Variants in KCTD1 observed in about 807,000 individuals in gnomAD.
The protein encoded by KCTD1 is BTB/POZ domain-containing protein KCTD1.
A neutral mutation model predicts 66.0 loss-of-function variants in KCTD1; 24 were observed. The ratio of observed to expected loss-of-function variants is 0.36; its 90% CI spans 0.26 to 0.51. The LOEUF is 0.51. KCTD1 is among the 20% of genes least tolerant of loss of function. KCTD1 has a pLI of 0.95. For missense variants in KCTD1, 943 were observed against 1,205.2 expected (o/e 0.78, Z 3.22); for synonymous variants, 511 against 517.2 (o/e 0.99, Z 0.16).
At chr18:26,477,151 T>C (rs1403859690) in intron 2 of KCTD1, among the ~76,000 whole-genome samples, 2 of 152,222 alleles carry the variant, frequency 1.3e-5, no homozygotes, top group Non-Finnish European at 2.9e-5. Context: ...CATTTAATTA[T>C]ATAAAAAAGA....
At chr18:26,481,529 G>T (rs531963304) in intron 2 of KCTD1, among the ~76,000 whole-genome samples, 1 of 152,168 alleles carries the variant, frequency 6.6e-6, no homozygotes, top group African/African-American at 2.4e-5. Flanking sequence ...CATGTGAGCC[G>T]GGTCAAGGAG....
chr18:26,480,796 A>C (rs1981606414), intron 2 of KCTD1, among the ~76,000 whole-genome samples: 1 of 151,960 alleles, frequency 6.6e-6, no homozygotes, highest in Admixed American at 6.6e-5. Flanking sequence ...TCTGTTGATT[A>C]CTCTTGTTTA....
intron 1 of KCTD1, among the ~76,000 whole-genome samples, chr18:26,538,077 T>C (rs1984794903): frequency 6.6e-6 from 1 of 151,876 alleles, no homozygotes. Flanking sequence ...TGAAACGCTG[T>C]CTCTACTAAA....
intron 4 of KCTD1, 137 bp from the exon 5 acceptor site, chr18:26,456,038 A>G: frequency 1.3e-6 from 1 of 746,172 alleles, no homozygotes; most frequent in Non-Finnish European, 2.1e-6. Context: ...GCTCCTCTCA[A>G]AGGAAGACCC....
intron 2 of KCTD1, among the ~76,000 whole-genome samples, chr18:26,491,975 G>A (rs1305251572): frequency 2.6e-5 from 4 of 152,186 alleles, no homozygotes; most frequent in African/African-American, 4.8e-5. Flanking sequence ...GGGTGGGCAT[G>A]GTGGCTGATG....
chr18:26,548,316 T>TC lies in KCTD1; in HGVS notation c.220dup (p.Asp74GlyfsTer168). 3 of 1,494,262 alleles carry TC rather than the reference T, an allele frequency of 2.0e-6. No homozygotes were observed. Among genetic ancestry groups the TC allele is most frequent in the Non-Finnish European group, 2.7e-6 (3 of 1,123,480 alleles). The allele number at this position is 1,494,262 out of a possible 1,614,324, so 92.6% of individuals were successfully genotyped here. On this transcript the variant is annotated frameshift_variant, in exon 1 of 5. Transcript: ENST00000580059. LOFTEE classifies it high-confidence loss of function. Reference sequence around the variant, plus strand: ...ACCTCCGTCCTCCTCCTCCTCCTCGTCCCCCGTTATCTGCACCTCCTGGAT... The same window carrying TC: ...ACCTCCGTCCTCCTCCTCCTCCTCGTCCCCCCGTTATCTGCACCTCCTGGAT...
upstream of KCTD1, among the ~76,000 whole-genome samples, chr18:26,633,452 T>C (rs866379572): frequency 6.6e-6 from 1 of 152,088 alleles, no homozygotes; most frequent in Admixed American, 6.5e-5. Context: ...AAGAAACATA[T>C]AGTTGACCAT....
At chr18:26,634,591 T>A (rs958193956) in intron 1 of KCTD1, among the ~76,000 whole-genome samples, 3 of 152,188 alleles carry the variant, frequency 2.0e-5, no homozygotes, top group Non-Finnish European at 4.4e-5. Flanking sequence ...TATGATTACA[T>A]GTGCACATTT....
intron 2 of KCTD1, among the ~76,000 whole-genome samples, chr18:26,484,845 G>T (rs1265923396): frequency 6.6e-6 from 1 of 152,176 alleles, no homozygotes; most frequent in Non-Finnish European, 1.5e-5. Context: ...GGGCACAGGG[G>T]CTTGGAGAAG....
At chr18:26,656,141 C>T (rs1002441982) in intron 1 of KCTD1, among the ~76,000 whole-genome samples, 1 of 152,182 alleles carries the variant, frequency 6.6e-6, no homozygotes, top group Admixed American at 6.5e-5. Flanking sequence ...CTGGTTCAGA[C>T]GGCGGAGGCC....
chr18:26,645,147 T>C (rs1159909227), upstream of KCTD1, among the ~76,000 whole-genome samples: 3 of 152,250 alleles, frequency 2.0e-5, no homozygotes, highest in South Asian at 2.1e-4. Context: ...ATTCCCCATA[T>C]TGCAAGACTT....
chr18:26,484,433 T>G (rs1981808698), intron 2 of KCTD1, among the ~76,000 whole-genome samples: 1 of 152,008 alleles, frequency 6.6e-6, no homozygotes, highest in Non-Finnish European at 1.5e-5. Context: ...TAAGAAAAAG[T>G]ATGAGTGCAA....
At chr18:26,572,829 G>A (rs1285600377) in intron 1 of KCTD1, among the ~76,000 whole-genome samples, 8 of 152,142 alleles carry the variant, frequency 5.3e-5, no homozygotes, top group Admixed American at 2.0e-4. Context: ...GATAGTTGCA[G>A]GTCAAACTAG....
upstream of KCTD1, among the ~76,000 whole-genome samples, chr18:26,643,509 T>G (rs1221139615): frequency 6.6e-6 from 1 of 152,132 alleles, no homozygotes; most frequent in Middle Eastern, 3.2e-3. Flanking sequence ...TGGTGGAGAC[T>G]TGGTGTCAGG....
At chr18:26,511,137 C>T (rs947000689) in intron 1 of KCTD1, among the ~76,000 whole-genome samples, 2 of 152,136 alleles carry the variant, frequency 1.3e-5, no homozygotes, top group Admixed American at 1.3e-4. Context: ...ATTTTACCTT[C>T]ATAATAGGGA....
rs907145179 is a variant in KCTD1, at chr18:26,455,291, TTTTG to T, written c.*448_*451del. 1 of 152,856 alleles carries T rather than the reference TTTTG, an allele frequency of 6.5e-6. No homozygotes were observed. The highest frequency in any genetic ancestry group is 2.4e-5 in the African/African-American group (1 of 41,404). The allele number at this position is 152,856 out of a possible 1,614,324, so 9.5% of individuals were successfully genotyped here. A position where few individuals can be genotyped will look rare whatever the true frequency, so the allele number is the denominator to read the frequency against. ...ATACAAACAAACTTGATTCAAGGTG[TTTTG>T]TTTGTTTTGTTTTTTTAAAAAAAAA... On this transcript the variant is annotated 3_prime_UTR_variant, in exon 5 of 5. Transcript: ENST00000580059.
At chr18:26,505,184 G>A (rs368452858) in intron 1 of KCTD1, among the ~76,000 whole-genome samples, 2 of 152,388 alleles carry the variant, frequency 1.3e-5, no homozygotes, top group East Asian at 3.8e-4. Flanking sequence ...CTTGGCCAGG[G>A]ATGCCAAGCA....
intron 1 of KCTD1, among the ~76,000 whole-genome samples, chr18:26,648,202 G>A (rs1987966015): frequency 6.6e-6 from 1 of 152,156 alleles, no homozygotes; most frequent in South Asian, 2.1e-4. Context: ...ACTCTTAGGA[G>A]GAGAAAGCAG....
intron 3 of KCTD1, among the ~76,000 whole-genome samples, chr18:26,469,186 C>T (rs9960036): frequency 0.01 from 1,568 of 149,638 alleles, 23 homozygotes; most frequent in African/African-American, 0.037. Flanking sequence ...TTTTTTTTCC[C>T]TCAAGCGTGG....
Sources: gnomAD v4.1 joint callset for allele counts (sites outside exome capture counted in the v4.1 genomes callset) on GRCh38, gnomAD v4.1.1 for gene constraint, MANE v1.5 for transcripts, NCBI Gene and HGNC (gene_info 2026-07-23, HGNC 2026-07-21) for gene names.